The following FBXW10B variants were observed in gnomAD, a reference collection of about 807,000 sequenced individuals.
The protein encoded by FBXW10B is F-box and WD repeat domain containing protein 10B.
the FBXW10B span, among the ~76,000 whole-genome samples, chr17:15,579,473 C>A: frequency 6.6e-6 from 1 of 152,148 alleles, no homozygotes; most frequent in African/African-American, 2.4e-5. Context: ...TCCAGAAACT[C>A]ATTTCCAAGC....
the FBXW10B span, among the ~76,000 whole-genome samples, chr17:15,618,592 T>C: frequency 1.3e-5 from 2 of 149,476 alleles, no homozygotes; most frequent in Admixed American, 6.7e-5. Context: ...GACTTCTTGG[T>C]CTGGTTTCTG....
chr17:15,610,065 T>C, the FBXW10B span, among the ~76,000 whole-genome samples: 2 of 152,024 alleles, frequency 1.3e-5, no homozygotes, highest in African/African-American at 4.8e-5. Context: ...TTTTGTCATG[T>C]TGGCCAGGCT....
At chr17:15,571,440 A>G in the FBXW10B span, 2 of 152,208 alleles carry the variant, frequency 1.3e-5, no homozygotes, top group African/African-American at 4.8e-5. Context: ...GTCAGTAATC[A>G]TAGGGGAAAT....
At chr17:15,616,825 AAAAAAAAAAG>A in the FBXW10B span, among the ~76,000 whole-genome samples, 1 of 149,726 alleles carries the variant, frequency 6.7e-6, no homozygotes, top group Non-Finnish European at 1.5e-5. Context: ...AAAAAAAAAA[AAAAAAAAAAG>A]AAGAAGGTTG....
At chr17:15,569,019 C>T in the FBXW10B span, 4 of 1,204,698 alleles carry the variant, frequency 3.3e-6, no homozygotes, top group African/African-American at 4.7e-5. Flanking sequence ...ATAGGTCTTC[C>T]GTAAGTGATC....
chr17:15,598,539 C>T, the FBXW10B span: 5 of 1,613,658 alleles, frequency 3.1e-6, no homozygotes, highest in African/African-American at 5.3e-5. Context: ...CACCTTTTAC[C>T]TGGCAATCTC....
At chr17:15,619,219 C>T in the FBXW10B span, 4 of 1,613,984 alleles carry the variant, frequency 2.5e-6, no homozygotes, top group East Asian at 6.7e-5. Flanking sequence ...CAACTTTCCC[C>T]TCTTTCTTGC....
At chr17:15,583,415 C>G in the FBXW10B span, among the ~76,000 whole-genome samples, 19 of 147,514 alleles carry the variant, frequency 1.3e-4, no homozygotes, top group Admixed American at 1.3e-3. Flanking sequence ...CCCGTGTTCC[C>G]TGCTGTGCCA....
chr17:15,592,068 C>T, the FBXW10B span, among the ~76,000 whole-genome samples: 1 of 152,122 alleles, frequency 6.6e-6, no homozygotes, highest in East Asian at 1.9e-4. Flanking sequence ...TAACTATAAA[C>T]AAGAAATGAA....
chr17:15,608,243 C>T, the FBXW10B span, among the ~76,000 whole-genome samples: 2 of 147,198 alleles, frequency 1.4e-5, no homozygotes, highest in African/African-American at 5.0e-5. Context: ...TCACTGCAAC[C>T]TCCGCCCTCC....
chr17:15,602,120 A>G, the FBXW10B span, among the ~76,000 whole-genome samples: 3 of 151,954 alleles, frequency 2.0e-5, no homozygotes, highest in Non-Finnish European at 2.9e-5. Flanking sequence ...TTAAAAAAAA[A>G]AAAAAAAGAA....
the FBXW10B span, among the ~76,000 whole-genome samples, chr17:15,595,186 A>G: frequency 1.3e-5 from 2 of 152,010 alleles, no homozygotes; most frequent in Admixed American, 1.3e-4. Flanking sequence ...CTAAAAATAC[A>G]AAAATAAGCT....
the FBXW10B span, among the ~76,000 whole-genome samples, chr17:15,583,395 C>T: frequency 1.4e-5 from 2 of 145,304 alleles, no homozygotes; most frequent in African/African-American, 5.0e-5. Context: ...GGTTAGGTGC[C>T]CCTGACTGCC....
the FBXW10B span, among the ~76,000 whole-genome samples, chr17:15,614,986 C>A: frequency 6.6e-6 from 1 of 152,102 alleles, no homozygotes; most frequent in African/African-American, 2.4e-5. Flanking sequence ...AGCCCAGGGA[C>A]TAGATGATGG....
the FBXW10B span, chr17:15,572,905 G>C: frequency 6.6e-6 from 1 of 151,928 alleles, no homozygotes; most frequent in Admixed American, 6.6e-5. Flanking sequence ...GGTGTGATCA[G>C]ATTTAGGTTA....
the FBXW10B span, among the ~76,000 whole-genome samples, chr17:15,595,192 A>T: frequency 6.6e-6 from 1 of 151,874 alleles, no homozygotes; most frequent in Non-Finnish European, 1.5e-5. Context: ...ATACAAAAAT[A>T]AGCTGGGCTT....
At chr17:15,602,230 T>C in the FBXW10B span, among the ~76,000 whole-genome samples, 257 of 152,190 alleles carry the variant, frequency 1.7e-3, no homozygotes, top group Admixed American at 2.9e-3. Flanking sequence ...GGGATTTTGA[T>C]TAAAAACAGA....
the FBXW10B span, chr17:15,607,643 G>A: frequency 1.1e-5 from 17 of 1,613,664 alleles, no homozygotes; most frequent in Admixed American, 6.7e-5. Flanking sequence ...GACCTGCTGC[G>A]TTTCCTCGTT....
the FBXW10B span, among the ~76,000 whole-genome samples, chr17:15,616,811 C>CAAAAAAA: frequency 3.1e-5 from 2 of 64,558 alleles, no homozygotes; most frequent in Admixed American, 1.6e-4. Context: ...GACTCTGTCT[C>CAAAAAAA]AAAAAAAAAA....
Sources: gnomAD v4.1 joint callset for allele counts (sites outside exome capture counted in the v4.1 genomes callset) on GRCh38, gnomAD v4.1.1 for gene constraint, MANE v1.5 for transcripts, NCBI Gene and HGNC (gene_info 2026-07-23, HGNC 2026-07-21) for gene names.